TRAPPC8: variants seen among roughly 807,000 people sequenced by gnomAD.
TRAPPC8 encodes the protein general sporulation gene 1 homolog.
TRAPPC8 carries 54 observed loss-of-function variants against 174.3 expected under a neutral mutation model. That is an observed-to-expected ratio of 0.31 (90% CI 0.25 to 0.39). The LOEUF is 0.39. Ranked by LOEUF, TRAPPC8 falls within the 10% of genes least tolerant of loss-of-function variation. The pLI is 1.00. For synonymous variants in TRAPPC8, 630 were observed against 579.9 expected (o/e 1.09, Z -1.24); for missense variants, 1,531 against 1,699.1 (o/e 0.90, Z 1.74).
At chr18:31,878,801 A>G (rs1221204615) in intron 12 of TRAPPC8, among the ~76,000 whole-genome samples, 1 of 152,210 alleles carries the variant, frequency 6.6e-6, no homozygotes, top group African/African-American at 2.4e-5. Context: ...GCAAATGGAA[A>G]ACAAAAAAGA....
At chr18:31,846,662 C>CAA in intron 26 of TRAPPC8, 54 bp downstream of exon 26, 8 of 1,351,730 alleles carry the variant, frequency 5.9e-6, no homozygotes, top group African/African-American at 1.5e-5. Context: ...CAAACAACAA[C>CAA]AAAAAAAAAC....
chr18:31,874,439 AC>A, intron 13 of TRAPPC8, 40 bp downstream of exon 13: 1 of 1,537,052 alleles, frequency 6.5e-7, no homozygotes, highest in South Asian at 1.1e-5. Flanking sequence ...ACACTAAAAT[AC>A]AGTTTTAATA....
intron 12 of TRAPPC8, chr18:31,883,438 A>G (rs1344726030): frequency 6.6e-6 from 1 of 152,262 alleles, no homozygotes; most frequent in Non-Finnish European, 1.5e-5. Flanking sequence ...TAGACAGTAG[A>G]GTGGGTAGCA....
At chr18:31,907,369 T>TAA (rs1176228834) in intron 9 of TRAPPC8, 91 bp downstream of exon 9, 1 of 1,295,622 alleles carries the variant, frequency 7.7e-7, no homozygotes. Context: ...AGTACAACTT[T>TAA]ATCCCTAAGG....
intron 16 of TRAPPC8, among the ~76,000 whole-genome samples, chr18:31,868,016 T>C (rs2034671893): frequency 6.6e-6 from 1 of 152,318 alleles, no homozygotes; most frequent in South Asian, 2.1e-4. Context: ...TCTTTTGCTC[T>C]GACCAGCCTC....
intron 1 of TRAPPC8, 164 bp downstream of exon 1, chr18:31,942,444 C>T (rs923681805): frequency 3.7e-5 from 33 of 881,232 alleles, no homozygotes; most frequent in African/African-American, 5.3e-5. Flanking sequence ...CCTCACGGTC[C>T]CTCCTCCAGC....
At chr18:31,936,902 T>TAAAAAA (rs376783471) in intron 1 of TRAPPC8, among the ~76,000 whole-genome samples, 10 of 92,518 alleles carry the variant, frequency 1.1e-4, no homozygotes, top group African/African-American at 2.4e-4. Flanking sequence ...ACTCCGTCTT[T>TAAAAAA]AAAAAAAAAA....
intron 12 of TRAPPC8, chr18:31,883,658 A>G (rs1214700705): frequency 6.6e-6 from 1 of 152,476 alleles, no homozygotes; most frequent in African/African-American, 2.4e-5. Context: ...AAAGGATCAA[A>G]TGTTTTCAAA....
chr18:31,876,499 A>AAAAAAAAAAAAAAAAAAAAAAAAG (rs1488187545), intron 12 of TRAPPC8, among the ~76,000 whole-genome samples: 1 of 149,314 alleles, frequency 6.7e-6, no homozygotes, highest in African/African-American at 2.5e-5. Context: ...CAAAAAAAAA[A>AAAAAAAAAAAAAAAAAAAAAAAAG]AAAAAAAAAA....
At chr18:31,880,090 A>AAAAAAAAAAAAAAAAAT (rs1259899654) in intron 12 of TRAPPC8, among the ~76,000 whole-genome samples, 1 of 85,380 alleles carries the variant, frequency 1.2e-5, no homozygotes, top group African/African-American at 5.2e-5. Flanking sequence ...TGAAAAAAAA[A>AAAAAAAAAAAAAAAAAT]ATATATATAT....
At position 31,830,921 on chromosome 18, in the gene TRAPPC8, T is replaced by TTAAG; in HGVS notation, c.4138_4141dup (p.Lys1381ThrfsTer2). ...CTGCAGACTGTGAATCTCCTGGCTTTTAAGTTGAAGTTTATACTGTGTTTG... is the reference window on the plus strand; with the variant it reads ...CTGCAGACTGTGAATCTCCTGGCTTTTAAGTAAGTTGAAGTTTATACTGTGTTTG... On this transcript the variant is annotated stop_gained and frameshift_variant, in exon 29 of 29. Coordinates refer to ENST00000283351, the MANE Select transcript of TRAPPC8 (RefSeq NM_014939.5). LOFTEE classifies it high-confidence loss of function. 6.2e-7 allele frequency: 1 copy of TTAAG among 1,614,218 alleles called. No homozygotes were observed. Among genetic ancestry groups the TTAAG allele is most frequent in the Non-Finnish European group, 8.5e-7 (1 of 1,180,042 alleles).
chr18:31,890,614 C>A, intron 12 of TRAPPC8, 121 bp downstream of exon 12: 1 of 1,115,712 alleles, frequency 9.0e-7, no homozygotes, highest in African/African-American at 1.6e-5. Flanking sequence ...ACGCCCTTAC[C>A]AATACATTAC....
At chr18:31,931,700 G>A (rs11081728) in intron 1 of TRAPPC8, among the ~76,000 whole-genome samples, 177 bp from the exon 2 acceptor site, 21,400 of 152,050 alleles carry the variant, frequency 0.14, 1,885 homozygotes, top group South Asian at 0.33. Flanking sequence ...TACCAAAAGG[G>A]CTAGCTAGAC....
rs201787126 is a variant in TRAPPC8 at position 31,908,736 on chromosome 18, C to T, written c.1122+18G>A. On this transcript the variant is annotated intron_variant, in intron 7 of 28. Coordinates refer to ENST00000283351, the MANE Select transcript of TRAPPC8 (RefSeq NM_014939.5). ...TACTTAAATTTTTAAAATACTAATC[C>T]AAAAAATCAAACCTTACCTGATCGT... is the stretch of plus-strand genomic sequence containing the variant. The T allele has an allele frequency of 4.0e-6, 6 of 1,513,388 alleles. No homozygotes were observed. The highest frequency in any genetic ancestry group is 2.7e-5 in the South Asian group (2 of 73,712). 93.7% of individuals were successfully genotyped at this position (1,513,388 alleles called of 1,614,324 possible).
intron 22 of TRAPPC8, 139 bp downstream of exon 22, chr18:31,853,708 TAC>T: frequency 1.7e-6 from 1 of 592,350 alleles, no homozygotes. Flanking sequence ...TAATTTGACT[TAC>T]AGTTAGGTAA....
At chr18:31,843,620 T>C (rs1022469052) in intron 26 of TRAPPC8, among the ~76,000 whole-genome samples, 1 of 152,232 alleles carries the variant, frequency 6.6e-6, no homozygotes. Context: ...TTTGGTTTCT[T>C]AATGCAGTGG....
chr18:31,858,058 C>CCTTT (rs566108687), intron 19 of TRAPPC8, 76 bp from the exon 20 acceptor site: 1 of 892,238 alleles, frequency 1.1e-6, no homozygotes, highest in Non-Finnish European at 1.6e-6. Context: ...CTTTAAGACA[C>CCTTT]TTTTTTTTTT....
rs577958677 is a variant in TRAPPC8 at position 31,884,330 on chromosome 18, C to T, written c.1728+6405G>A. ...TTGATGTGGTCATCCCTCTTTATAC[C>T]ACTGCACTGGCCTGAATGGAAATAC... On this transcript the variant is annotated intron_variant, in intron 12 of 28. Coordinates refer to ENST00000283351, the MANE Select transcript of TRAPPC8 (RefSeq NM_014939.5). Among the ~76,000 whole-genome samples the T allele has an allele frequency of 7.2e-5, 11 of 152,202 alleles. No homozygotes were observed. In the South Asian group the frequency reaches 2.1e-3, roughly 29 times the overall value.
intron 12 of TRAPPC8, among the ~76,000 whole-genome samples, chr18:31,884,707 T>C (rs1006340152): frequency 6.6e-6 from 1 of 152,152 alleles, no homozygotes; most frequent in Non-Finnish European, 1.5e-5. Context: ...AGGGGGTTTT[T>C]TAAAGAAATA....
Sources: gnomAD v4.1 joint callset for allele counts (sites outside exome capture counted in the v4.1 genomes callset) on GRCh38, gnomAD v4.1.1 for gene constraint, MANE v1.5 for transcripts, NCBI Gene and HGNC (gene_info 2026-07-23, HGNC 2026-07-21) for gene names.